Variants in CLVS1 observed in about 807,000 individuals in gnomAD.
The protein encoded by CLVS1 is clavesin-1.
A neutral mutation model predicts 33.1 loss-of-function variants in CLVS1; 10 were observed. The observed-to-expected ratio is 0.30, with a 90% CI of 0.19 to 0.51. The LOEUF (loss-of-function observed/expected upper bound fraction) is 0.51, where lower values mean the gene tolerates loss of function less well. Among genes scored for constraint, CLVS1 ranks in the 20% least tolerant of loss-of-function variants. CLVS1 has a pLI of 0.97. For missense variants in CLVS1, 343 were observed against 433.4 expected (o/e 0.79, Z 1.85); for synonymous variants, 163 against 166.1 (o/e 0.98, Z 0.14).
At chr8:61,026,447 G>C in the CLVS1 span, among the ~76,000 whole-genome samples, 1 of 152,176 alleles carries the variant, frequency 6.6e-6, no homozygotes, top group Non-Finnish European at 1.5e-5. Context: ...TGAGGTGAGG[G>C]AATTAATTCA....
At chr8:61,082,169 T>G (rs928814824) in intron 1 of CLVS1, among the ~76,000 whole-genome samples, 1 of 152,150 alleles carries the variant, frequency 6.6e-6, no homozygotes, top group African/African-American at 2.4e-5. Context: ...AAATAATGTC[T>G]TTGATGAGCT....
chr8:61,231,576 C>A (rs2129311900), intron 2 of CLVS1, among the ~76,000 whole-genome samples: 1 of 134,958 alleles, frequency 7.4e-6, no homozygotes, highest in Middle Eastern at 3.5e-3. Context: ...AGGAGAGTTT[C>A]ACCTCCTAAG....
intron 2 of CLVS1, among the ~76,000 whole-genome samples, chr8:61,147,315 A>G (rs1477731156): frequency 6.6e-6 from 1 of 152,156 alleles, no homozygotes; most frequent in Non-Finnish European, 1.5e-5. Context: ...GAGATTTTTC[A>G]CTTGTTTTGA....
chr8:61,151,819 T>C (rs956525654), intron 2 of CLVS1, among the ~76,000 whole-genome samples: 16 of 152,138 alleles, frequency 1.1e-4, no homozygotes, highest in African/African-American at 3.9e-4. Context: ...TTGCTAGGGG[T>C]GATCCAGTCA....
intron 1 of CLVS1, 96 bp downstream of exon 1, chr8:61,288,234 G>T (rs769975384): frequency 8.8e-6 from 4 of 456,246 alleles, no homozygotes; most frequent in East Asian, 7.0e-5. Context: ...TCAGCACTTC[G>T]GTATGTGGAC....
At chr8:61,074,325 G>T (rs945076466) in intron 1 of CLVS1, among the ~76,000 whole-genome samples, 1 of 147,912 alleles carries the variant, frequency 6.8e-6, no homozygotes, top group Non-Finnish European at 1.5e-5. Flanking sequence ...TCAACAGAGC[G>T]AGACCCTGTC....
At chr8:61,192,287 A>G (rs536449862) in intron 2 of CLVS1, among the ~76,000 whole-genome samples, 212 of 152,324 alleles carry the variant, frequency 1.4e-3, no homozygotes, top group African/African-American at 4.9e-3. Flanking sequence ...AGGATTCCCT[A>G]TTTAACTAAT....
At chr8:61,214,539 C>G (rs1232300111) in intron 2 of CLVS1, among the ~76,000 whole-genome samples, 1 of 152,138 alleles carries the variant, frequency 6.6e-6, no homozygotes, top group African/African-American at 2.4e-5. Flanking sequence ...TGTGAAGACA[C>G]AGGGAGAAGG....
chr8:61,188,196 C>T (rs1041561749), intron 2 of CLVS1, among the ~76,000 whole-genome samples: 10 of 152,116 alleles, frequency 6.6e-5, no homozygotes, highest in Admixed American at 2.6e-4. Flanking sequence ...CCTCTCATGG[C>T]ATTGAAGACC....
In CLVS1 at chr8:61,350,635, T is replaced by C. The variant is rs539771436; in HGVS notation, c.456-25970T>C. 9.9e-5 allele frequency among the ~76,000 whole-genome samples: 15 copies of C among 152,248 alleles called. No homozygotes were observed. In the South Asian group the frequency reaches 3.1e-3, roughly 32 times the overall value. On this transcript the variant is annotated intron_variant, in intron 2 of 5. Transcript: ENST00000325897. The stretch of plus-strand genomic sequence containing the variant: ...CAGGCAGCTTAGAAAATACATCTTC[T>C]CTTTTCCACTCTTACACCATTATGT...
intron 5 of CLVS1, among the ~76,000 whole-genome samples, chr8:61,470,980 C>G (rs1485752957): frequency 6.6e-6 from 1 of 152,224 alleles, no homozygotes; most frequent in East Asian, 1.9e-4. Flanking sequence ...CAAGCGCCCT[C>G]ACTGTGCACT....
intron 3 of CLVS1, among the ~76,000 whole-genome samples, chr8:61,417,441 T>C (rs894659204): frequency 6.6e-5 from 10 of 152,138 alleles, no homozygotes; most frequent in Non-Finnish European, 1.3e-4. Flanking sequence ...TGTTGGACTT[T>C]CTGGTGTTCT....
intron 2 of CLVS1, among the ~76,000 whole-genome samples, chr8:61,173,655 TAG>T (rs781102705): frequency 2.3e-4 from 35 of 152,288 alleles, no homozygotes; most frequent in Admixed American, 3.9e-4. Flanking sequence ...GCATATTGCC[TAG>T]AGAGTTTACA....
chr8:61,486,572 C>T (rs928040464), intron 5 of CLVS1, among the ~76,000 whole-genome samples: 1 of 152,090 alleles, frequency 6.6e-6, no homozygotes, highest in African/African-American at 2.4e-5. Flanking sequence ...TACATCTTTG[C>T]AGTTGAATAA....
chr8:61,349,058 A>T (rs1193173293), intron 2 of CLVS1, among the ~76,000 whole-genome samples: 1 of 151,996 alleles, frequency 6.6e-6, no homozygotes, highest in African/African-American at 2.4e-5. Context: ...TTGCCCATTT[A>T]ATTGGGTTGT....
At chr8:61,328,868 T>C (rs1811485176) in intron 2 of CLVS1, among the ~76,000 whole-genome samples, 1 of 152,198 alleles carries the variant, frequency 6.6e-6, no homozygotes, top group Non-Finnish European at 1.5e-5. Flanking sequence ...AGAGACTAAC[T>C]CAGAGGGATG....
intron 2 of CLVS1, among the ~76,000 whole-genome samples, chr8:61,304,676 A>G (rs1810555964): frequency 6.6e-6 from 1 of 152,098 alleles, no homozygotes; most frequent in Admixed American, 6.6e-5. Context: ...AAACAAATTC[A>G]TTTCTTGCTT....
intron 2 of CLVS1, among the ~76,000 whole-genome samples, chr8:61,221,608 GC>G (rs1457589382): frequency 5.3e-5 from 8 of 152,114 alleles, no homozygotes; most frequent in African/African-American, 1.9e-4. Flanking sequence ...GAGGATTTTT[GC>G]ATCGACATTC....
At chr8:61,034,434 T>G in the CLVS1 span, among the ~76,000 whole-genome samples, 1 of 152,172 alleles carries the variant, frequency 6.6e-6, no homozygotes, top group Non-Finnish European at 1.5e-5. Context: ...ATACAGTATA[T>G]TATTAACAAT....
Sources: gnomAD v4.1 joint callset for allele counts (sites outside exome capture counted in the v4.1 genomes callset) on GRCh38, gnomAD v4.1.1 for gene constraint, MANE v1.5 for transcripts, NCBI Gene and HGNC (gene_info 2026-07-23, HGNC 2026-07-21) for gene names.